The following TENT5D variants were observed in gnomAD, a reference collection of about 807,000 sequenced individuals.
TENT5D encodes terminal nucleotidyltransferase 5D, also known as cancer/testis antigen 112.
For synonymous variants in TENT5D, 103 were observed against 100.6 expected (o/e 1.02, Z -0.15); for missense variants, 191 against 287.0 (o/e 0.67, Z 2.42).
chrX:80,349,511 T>C (rs1258485673), intron 3 of TENT5D, among the ~76,000 whole-genome samples: 3 of 111,464 alleles, frequency 2.7e-5, no homozygotes, highest in Non-Finnish European at 5.6e-5. Flanking sequence ...GTTTCCCCTT[T>C]ATAATTTTTT....
chrX:80,339,872 TAGAG>T (rs745730739), intron 2 of TENT5D, among the ~76,000 whole-genome samples: 1,920 of 103,891 alleles, frequency 0.018, 43 homozygotes, highest in African/African-American at 0.059. Flanking sequence ...TATATATATA[TAGAG>T]AGAGAGAGAG....
Position 80,383,078 on chromosome X carries a change from T to A in TENT5D, c.-142+40514T>A, listed in dbSNP as rs961406860. Among the ~76,000 whole-genome samples the A allele has an allele frequency of 1.3e-4, 15 of 112,151 alleles. No homozygotes were observed. In the Admixed American group the frequency reaches 1.4e-3, roughly 11 times the overall value. On this transcript the variant is annotated intron_variant, in intron 3 of 4. Transcript: ENST00000538312. ...AGAAATCACCCATCTTCTGCATCGATCACGCTGGGAGCTACAGACTGGAGC... is the reference window on the plus strand; with the variant it reads ...AGAAATCACCCATCTTCTGCATCGAACACGCTGGGAGCTACAGACTGGAGC...
At chrX:80,414,548 G>A (rs1481285457) in intron 3 of TENT5D, among the ~76,000 whole-genome samples, 1 of 112,224 alleles carries the variant, frequency 8.9e-6, no homozygotes, top group Admixed American at 9.5e-5. Context: ...GGAGACATAA[G>A]ACAGGTCTTA....
At chrX:80,394,736 A>G (rs1602205429) in intron 3 of TENT5D, among the ~76,000 whole-genome samples, 1 of 111,176 alleles carries the variant, frequency 9.0e-6, no homozygotes, top group East Asian at 2.8e-4. Context: ...TACAAATTTT[A>G]ATTAACACAT....
At chrX:80,380,913 A>AT (rs1930851617) in intron 3 of TENT5D, among the ~76,000 whole-genome samples, 1 of 110,515 alleles carries the variant, frequency 9.0e-6, no homozygotes, top group Non-Finnish European at 1.9e-5. Flanking sequence ...TCTTTATCCA[A>AT]TTTTTCAGTC....
At chrX:80,372,828 A>G (rs1432618696) in intron 3 of TENT5D, among the ~76,000 whole-genome samples, 1 of 106,798 alleles carries the variant, frequency 9.4e-6, no homozygotes, top group Non-Finnish European at 1.9e-5. Context: ...TGGAGGTTGC[A>G]GTGAGCCAAG....
intron 3 of TENT5D, among the ~76,000 whole-genome samples, chrX:80,357,731 A>G (rs913263176): frequency 9.0e-5 from 10 of 111,366 alleles, no homozygotes; most frequent in African/African-American, 3.3e-4. Context: ...CAAAATGACC[A>G]TACTGCCCAA....
At chrX:80,369,624 G>A (rs894446725) in intron 3 of TENT5D, among the ~76,000 whole-genome samples, 23 of 112,036 alleles carry the variant, frequency 2.1e-4, no homozygotes, top group Admixed American at 4.7e-4. Flanking sequence ...TAACAACATG[G>A]TTTGCGTTGC....
At chrX:80,350,729 G>C (rs1422005699) in intron 3 of TENT5D, among the ~76,000 whole-genome samples, 1 of 111,709 alleles carries the variant, frequency 9.0e-6, no homozygotes, top group Non-Finnish European at 1.9e-5. Context: ...AGTTGATGCA[G>C]TTTCTTCATA....
intron 3 of TENT5D, among the ~76,000 whole-genome samples, chrX:80,383,015 T>C (rs1316339391): frequency 9.0e-6 from 1 of 111,563 alleles, no homozygotes; most frequent in African/African-American, 3.3e-5. Flanking sequence ...GTCCAAGCAG[T>C]CCCAGTGAGG....
chrX:80,364,905 C>CTT (rs5902798), intron 3 of TENT5D, among the ~76,000 whole-genome samples: 2 of 105,481 alleles, frequency 1.9e-5, no homozygotes, highest in Admixed American at 2.1e-4. Flanking sequence ...GATTTTTTTT[C>CTT]TTTTTTTTAA....
At chrX:80,365,840 CA>C (rs1161954552) in intron 3 of TENT5D, among the ~76,000 whole-genome samples, 322 of 76,397 alleles carry the variant, frequency 4.2e-3, no homozygotes, top group South Asian at 0.011. Context: ...GACTCTGCCT[CA>C]AAAAAAAAAA....
intron 1 of TENT5D, among the ~76,000 whole-genome samples, chrX:80,431,357 G>A (rs755603562): frequency 1.6e-3 from 183 of 111,648 alleles, no homozygotes; most frequent in African/African-American, 5.9e-3. Context: ...GCTCCCCAAG[G>A]AGAAAAATTC....
At chrX:80,392,811 C>T (rs1050000332) in intron 3 of TENT5D, among the ~76,000 whole-genome samples, 8 of 110,556 alleles carry the variant, frequency 7.2e-5, no homozygotes, top group South Asian at 3.8e-4. Flanking sequence ...CCACCGCGCC[C>T]GGCCATTCTC....
chrX:80,351,714 G>A (rs182440718), intron 3 of TENT5D, among the ~76,000 whole-genome samples: 1 of 110,381 alleles, frequency 9.1e-6, no homozygotes, highest in East Asian at 2.9e-4. Flanking sequence ...ATGATCATTT[G>A]GAGGAGAGGA....
At chrX:80,409,370 C>A (rs1382840434) in intron 3 of TENT5D, among the ~76,000 whole-genome samples, 1 of 111,064 alleles carries the variant, frequency 9.0e-6, no homozygotes, top group Non-Finnish European at 1.9e-5. Flanking sequence ...AGCCCAAAAT[C>A]TCCTTCAGCT....
intron 3 of TENT5D, among the ~76,000 whole-genome samples, chrX:80,380,266 GT>G (rs767727489): frequency 1.4e-3 from 157 of 110,425 alleles, no homozygotes; most frequent in Non-Finnish European, 1.9e-3. Flanking sequence ...TAGCTGTGTG[GT>G]TTTGAGTGAG....
chrX:80,386,031 T>G (rs1190310032), intron 3 of TENT5D, among the ~76,000 whole-genome samples: 1 of 112,206 alleles, frequency 8.9e-6, no homozygotes, highest in Admixed American at 9.4e-5. Flanking sequence ...CTCAGGGATC[T>G]AGAACTAGAA....
chrX:80,359,613 A>G (rs1251445098), intron 3 of TENT5D, among the ~76,000 whole-genome samples: 1 of 110,791 alleles, frequency 9.0e-6, no homozygotes, highest in Non-Finnish European at 1.9e-5. Flanking sequence ...AGGGAGGGGA[A>G]CATCACACAC....
Sources: allele counts gnomAD v4.1 joint callset (sites outside exome capture counted in the v4.1 genomes callset), GRCh38; gene constraint gnomAD v4.1.1; transcripts MANE v1.5; gene names NCBI Gene and HGNC (gene_info 2026-07-23, HGNC 2026-07-21).